F13B: variants seen among roughly 807,000 people sequenced by gnomAD.
The protein encoded by F13B is coagulation factor XIII B chain, also known as TGase.
F13B carries 58 observed loss-of-function variants against 79.8 expected under a neutral mutation model. The ratio of observed to expected loss-of-function variants is 0.73; its 90% CI spans 0.59 to 0.90. F13B has a LOEUF of 0.90. F13B is among the 40% of genes least tolerant of loss of function. The pLI is 0.00. For synonymous variants in F13B, 283 were observed against 260.3 expected, an observed-to-expected ratio of 1.09 and a Z score of -0.84; for missense variants, 773 against 777.0, an observed-to-expected ratio of 0.99 and a Z score of 0.06.
At chr1:197,064,798 A>G (rs1204166274) in intron 1 of F13B, among the ~76,000 whole-genome samples, 1 of 152,184 alleles carries the variant, frequency 6.6e-6, no homozygotes, top group African/African-American at 2.4e-5. Context: ...AAAAACACTT[A>G]AAAGAAAGAA....
chr1:197,059,302 C>T (rs1383654390), intron 5 of F13B, among the ~76,000 whole-genome samples: 7 of 152,100 alleles, frequency 4.6e-5, no homozygotes, highest in East Asian at 3.9e-4. Flanking sequence ...CCAAGGATGT[C>T]GAGCACAAAT....
chr1:197,039,487 A>G (rs1654958497), intron 11 of F13B, 76 bp from the exon 12 acceptor site: 2 of 1,127,248 alleles, frequency 1.8e-6, no homozygotes, highest in African/African-American at 1.5e-5. Context: ...CAGCCTTTCA[A>G]TTTTTCATAT....
At chr1:197,050,571 C>A in intron 10 of F13B, 126 bp downstream of exon 10, 1 of 803,156 alleles carries the variant, frequency 1.2e-6, no homozygotes. Flanking sequence ...ATAAAATAAG[C>A]ACATGAATAA....
chr1:197,039,584 A>G (rs1654962310), intron 11 of F13B, among the ~76,000 whole-genome samples, 173 bp from the exon 12 acceptor site: 1 of 152,070 alleles, frequency 6.6e-6, no homozygotes, highest in Non-Finnish European at 1.5e-5. Flanking sequence ...TAAAAATGCA[A>G]TATTATTTAC....
chr1:197,062,482 G>T (rs984378682), intron 2 of F13B, among the ~76,000 whole-genome samples: 4 of 152,152 alleles, frequency 2.6e-5, no homozygotes, highest in African/African-American at 4.8e-5. Flanking sequence ...AAGCATTAGA[G>T]TAGCAATCTT....
At chr1:197,050,009 A>G (rs1655386380) in intron 10 of F13B, among the ~76,000 whole-genome samples, 1 of 152,136 alleles carries the variant, frequency 6.6e-6, no homozygotes, top group Non-Finnish European at 1.5e-5. Context: ...ATAGAAAGAA[A>G]GGTTTTTATA....
chr1:197,055,715 C>A lies in F13B; in HGVS notation c.1354G>T (p.Glu452Ter). ...GKWSSPPVCL[E>*]PCTVNVDYMN... Reference sequence around the variant, plus strand: ...ACATTCCATGTGTTCTCTTTCTTACCCAAGCAAACAGGTGGGGATGACCAT... The same window carrying A: ...ACATTCCATGTGTTCTCTTTCTTACACAAGCAAACAGGTGGGGATGACCAT... Residue 452 changes from glutamate (E) to a stop codon, truncating the protein, a stop_gained and splice_region_variant, in exon 8 of 12, where the codon GAA (glutamate) becomes TAA (stop). Transcript: ENST00000367412. LOFTEE classifies it high-confidence loss of function. 3 of 1,613,128 alleles carry A rather than the reference C, an allele frequency of 1.9e-6. No individual in the cohort carries two copies. Among genetic ancestry groups the A allele is most frequent in the Non-Finnish European group, 2.5e-6 (3 of 1,179,510 alleles).
At chr1:197,048,371 T>C (rs2125060270) in intron 10 of F13B, among the ~76,000 whole-genome samples, 2 of 151,928 alleles carry the variant, frequency 1.3e-5, no homozygotes, top group South Asian at 2.1e-4. Flanking sequence ...AAATAAGGTA[T>C]ATATTGCTTA....
In F13B at chr1:197,052,836, T is replaced by C; in HGVS notation, c.1355-2A>G. 1 of 1,605,330 alleles carries C rather than the reference T, an allele frequency of 6.2e-7. No homozygotes were observed. The highest frequency in any genetic ancestry group is 2.2e-4 in the Middle Eastern group (1 of 4,466). Reference sequence around the variant, plus strand: ...AATCCACATTAACAGTACATGGTTCTGTAAAACAAAATGCTCTTTTAAATT... The same window carrying C: ...AATCCACATTAACAGTACATGGTTCCGTAAAACAAAATGCTCTTTTAAATT... On this transcript the variant is annotated splice_acceptor_variant, in intron 8 of 11. Transcript: ENST00000367412. LOFTEE classifies it high-confidence loss of function.
rs1037432218 is a variant in F13B, at chr1:197,063,185, A to AT, written c.65-129dup. 4.9e-5 allele frequency: 38 copies of AT among 773,586 alleles called. No individual in the cohort carries two copies. The African/African-American group carries it at 6.5e-4, about 13-fold the overall frequency. 47.9% of individuals were successfully genotyped at this position (773,586 alleles called of 1,614,324 possible). On this transcript the variant is annotated intron_variant, in intron 1 of 11. Transcript: ENST00000367412. ...ACTAGTACTTATTTTTCTTACTTAA[A>AT]TTTTTAAGGTACTTTTGTGACAACT...
At chr1:197,061,679 T>C in intron 3 of F13B, 105 bp downstream of exon 3, 1 of 958,210 alleles carries the variant, frequency 1.0e-6, no homozygotes, top group Non-Finnish European at 1.6e-6. Flanking sequence ...GTAGACATAA[T>C]GAAAAATAAA....
At chr1:197,064,539 C>A (rs1311668315) in intron 1 of F13B, among the ~76,000 whole-genome samples, 1 of 152,034 alleles carries the variant, frequency 6.6e-6, no homozygotes, top group African/African-American at 2.4e-5. Flanking sequence ...ATTTGCATAA[C>A]TTTTTAAAAG....
intron 2 of F13B, 129 bp downstream of exon 2, chr1:197,062,728 C>A: frequency 1.2e-6 from 1 of 810,288 alleles, no homozygotes; most frequent in Admixed American, 2.0e-5. Flanking sequence ...TGTAGAAAGA[C>A]AGATTGCTAG....
rs149959295 is a variant in F13B, at chr1:197,039,385, C to T, written c.1979G>A (p.Arg660Lys). 5 of 1,610,274 alleles carry T rather than the reference C, an allele frequency of 3.1e-6. No individual in the cohort carries two copies. The Admixed American group carries it at 5.0e-5, about 16-fold the overall frequency. ...QSTLSYQEPL[R>K]T ...TCTTTCTGCCATTCATTTCTATGTT[C>T]TTAAGGGTTCTTGATAAGACAGAGT... Residue 660 changes from arginine to lysine, a missense_variant, in exon 12 of 12, where the codon AGA (arginine) becomes AAA (lysine). Arg to Lys is a conservative substitution (Grantham distance 26). Coordinates refer to ENST00000367412, the MANE Select transcript of F13B (RefSeq NM_001994.3).
At chr1:197,041,631 G>C (rs1199270810) in intron 10 of F13B, among the ~76,000 whole-genome samples, 1 of 151,994 alleles carries the variant, frequency 6.6e-6, no homozygotes, top group Non-Finnish European at 1.5e-5. Context: ...GCCTACAGGG[G>C]ATACATTTCA....
intron 9 of F13B, 53 bp from the exon 10 acceptor site, chr1:197,050,932 T>G (rs1367267085): frequency 2.1e-5 from 30 of 1,443,770 alleles, no homozygotes; most frequent in Non-Finnish European, 2.6e-5. Flanking sequence ...GAACATCCAG[T>G]ACTTTATAAG....
intron 10 of F13B, among the ~76,000 whole-genome samples, chr1:197,044,386 C>A (rs1486990444): frequency 6.6e-6 from 1 of 151,970 alleles, no homozygotes; most frequent in African/African-American, 2.4e-5. Context: ...GACTTTAAAC[C>A]AACAAAGATC....
chr1:197,064,966 C>T (rs575893149), intron 1 of F13B, among the ~76,000 whole-genome samples: 1 of 151,942 alleles, frequency 6.6e-6, no homozygotes, highest in Admixed American at 6.6e-5. Context: ...GTAGTGCTAG[C>T]CTAGGTTTGA....
intron 10 of F13B, among the ~76,000 whole-genome samples, chr1:197,044,717 A>G (rs1019583020): frequency 2.0e-5 from 3 of 152,134 alleles, no homozygotes; most frequent in African/African-American, 7.2e-5. Flanking sequence ...TCTTCTCAGC[A>G]CCACACTGCA....
Sources: allele counts gnomAD v4.1 joint callset (sites outside exome capture counted in the v4.1 genomes callset), GRCh38; gene constraint gnomAD v4.1.1; transcripts MANE v1.5; gene names NCBI Gene and HGNC (gene_info 2026-07-23, HGNC 2026-07-21).